The following KCTD9 variants were observed in gnomAD, a reference collection of about 807,000 sequenced individuals.
The protein encoded by KCTD9 is BTB/POZ domain-containing protein KCTD9.
A neutral mutation model predicts 53.3 loss-of-function variants in KCTD9; 17 were observed. The ratio of observed to expected loss-of-function variants is 0.32; its 90% confidence interval spans 0.22 to 0.48. The LOEUF is 0.48. KCTD9 is among the 20% of genes least tolerant of loss of function. KCTD9 has a pLI of 0.99. For synonymous variants in KCTD9, 128 were observed against 162.7 expected (o/e 0.79, Z 1.62); for missense variants, 179 against 465.5 (o/e 0.38, Z 5.66).
At chr8:25,435,145 T>C (rs916852714) in intron 9 of KCTD9, among the ~76,000 whole-genome samples, 13 of 152,214 alleles carry the variant, frequency 8.5e-5, no homozygotes, top group African/African-American at 3.1e-4. Flanking sequence ...TATTAGTTAC[T>C]AAACCTTTCA....
intron 11 of KCTD9, among the ~76,000 whole-genome samples, chr8:25,430,811 AC>A (rs1395175040): frequency 2.1e-4 from 1 of 4,848 alleles, no homozygotes; most frequent in Non-Finnish European, 0.013. Context: ...TAATAAATAC[AC>A]ACACACACAC....
intron 1 of KCTD9, among the ~76,000 whole-genome samples, chr8:25,453,152 GCC>G (rs1802361837): frequency 6.6e-6 from 1 of 152,000 alleles, no homozygotes; most frequent in East Asian, 1.9e-4. Context: ...CAGGAGGTCA[GCC>G]GAGACCAGCC....
intron 9 of KCTD9, among the ~76,000 whole-genome samples, chr8:25,433,882 A>T (rs144577310): frequency 1.0e-3 from 153 of 152,230 alleles, no homozygotes; most frequent in Non-Finnish European, 1.7e-3. Context: ...GAAATTCTTG[A>T]TATTCTAAGA....
intron 3 of KCTD9, 51 bp downstream of exon 3, chr8:25,444,241 A>ATTTT (rs1171918272): frequency 1.1e-5 from 9 of 785,410 alleles, no homozygotes; most frequent in African/African-American, 3.1e-5. Flanking sequence ...TTGTCATTCC[A>ATTTT]TCTTTTTTTT....
intron 1 of KCTD9, among the ~76,000 whole-genome samples, chr8:25,451,131 T>C (rs1802312036): frequency 6.6e-6 from 1 of 152,206 alleles, no homozygotes. Context: ...CATTCGCACA[T>C]ACTAACAATA....
intron 1 of KCTD9, among the ~76,000 whole-genome samples, chr8:25,446,923 G>A (rs1234493855): frequency 2.0e-5 from 3 of 152,174 alleles, no homozygotes; most frequent in Admixed American, 2.0e-4. Context: ...GTGTCCTGCT[G>A]TGAATCAAGC....
chr8:25,437,274 G>A (rs1455183670), intron 6 of KCTD9, among the ~76,000 whole-genome samples: 12 of 152,146 alleles, frequency 7.9e-5, no homozygotes, highest in Admixed American at 7.2e-4. Flanking sequence ...TGTGGGCCAC[G>A]CTCTCAATTT....
chr8:25,429,404 A>G lies in KCTD9; in HGVS notation c.*453T>C, dbSNP rs1422132836. The G allele has an allele frequency of 6.5e-6, 1 of 154,490 alleles. No individual in the cohort carries two copies. The highest frequency in any genetic ancestry group is 1.4e-5 in the Non-Finnish European group (1 of 69,360). 9.6% of individuals were successfully genotyped at this position (154,490 alleles called of 1,614,324 possible). ...TTATAAACCTGAACAACCTTTTCCA[A>G]GTTTTCATAAAGTTTTAACAATTTA... On this transcript the variant is annotated 3_prime_UTR_variant, in exon 12 of 12. Transcript: ENST00000221200.
In KCTD9 at chr8:25,432,576, C is replaced by T. The variant is rs28411311; in HGVS notation, c.981G>A (p.Val327=). ...GSQMTGINLR[V]ATLKNAKLKN... ...TCAACTTTGCATTTTTTAAGGTAGCCACTCTCAGGTTAATTCCTGTCATCT... is the reference window on the plus strand; with the variant it reads ...TCAACTTTGCATTTTTTAAGGTAGCTACTCTCAGGTTAATTCCTGTCATCT... Residue 327 remains valine (V), a synonymous_variant, in exon 11 of 12, where the codon GTG becomes GTA. Transcript: ENST00000221200. The T allele has an allele frequency of 1.0e-3, 1,630 of 1,613,528 alleles. 14 individuals carry two copies. The African/African-American group carries it at 0.02, about 19-fold the overall frequency.
rs371172647 is a variant in KCTD9 at position 25,439,613 on chromosome 8, C to T, written c.363G>A (p.Lys121=). The T allele has an allele frequency of 9.9e-6, 16 of 1,613,962 alleles. No homozygotes were observed. The highest frequency in any genetic ancestry group is 1.3e-5 in the African/African-American group (1 of 74,926). Residue 121 remains lysine, a synonymous_variant, in exon 5 of 12, where the codon AAG becomes AAA. Coordinates refer to ENST00000221200, the MANE Select transcript of KCTD9 (RefSeq NM_017634.4). ...ACAACGTGTTACACTCACCTTTGTC[C>T]TTAAACATGTGGGCCAGCATACTGT... ...EPDSMLAHMF[K]DKGVWGNKQD... is the part of the protein sequence containing the mutation.
At position 25,428,259 on chromosome 8, in the gene KCTD9, TCAATA is replaced by T. The variant is rs1007392593; in HGVS notation, c.*1593_*1597del. 5.2e-5 allele frequency: 8 copies of T among 152,646 alleles called. No homozygotes were observed. Among genetic ancestry groups the T allele is most frequent in the African/African-American group, 1.9e-4 (8 of 41,462 alleles). 9.5% of individuals were successfully genotyped at this position (152,646 alleles called of 1,614,324 possible). A position where few individuals can be genotyped will look rare whatever the true frequency, so the allele number is the denominator to read the frequency against. On this transcript the variant is annotated 3_prime_UTR_variant, in exon 12 of 12. Coordinates refer to ENST00000221200, the MANE Select transcript of KCTD9 (RefSeq NM_017634.4). ...ATTGATTATGAAAATAGATTATCTC[TCAATA>T]CAATACTTCTCTGTCTTGGTAAAAA...
intron 6 of KCTD9, 149 bp downstream of exon 6, chr8:25,439,130 A>C (rs1357167393): frequency 1.7e-6 from 1 of 606,056 alleles, no homozygotes; most frequent in African/African-American, 1.9e-5. Flanking sequence ...ACTCATATAC[A>C]TGTGAAAACA....
intron 1 of KCTD9, among the ~76,000 whole-genome samples, chr8:25,452,832 T>C (rs1802353236): frequency 6.6e-6 from 1 of 152,208 alleles, no homozygotes; most frequent in Non-Finnish European, 1.5e-5. Flanking sequence ...ATTATCACTA[T>C]GTCAGATATT....
chr8:25,445,421 T>G (rs886092930), intron 2 of KCTD9, among the ~76,000 whole-genome samples: 1 of 152,168 alleles, frequency 6.6e-6, no homozygotes, highest in Non-Finnish European at 1.5e-5. Flanking sequence ...GGTTAAAGCA[T>G]CATTATCTTC....
intron 1 of KCTD9, chr8:25,450,491 G>A: frequency 1.0e-6 from 1 of 974,876 alleles, no homozygotes; most frequent in African/African-American, 1.8e-5. Flanking sequence ...ACTGTCATTA[G>A]GGTAAAAAAA....
chr8:25,439,183 G>A (rs988897606), intron 6 of KCTD9, 96 bp downstream of exon 6: 15 of 934,056 alleles, frequency 1.6e-5, no homozygotes, highest in Non-Finnish European at 1.9e-5. Flanking sequence ...TTACTTTATG[G>A]AAATATACTG....
chr8:25,446,520 T>C (rs1802217115), intron 1 of KCTD9, among the ~76,000 whole-genome samples: 1 of 152,044 alleles, frequency 6.6e-6, no homozygotes, highest in Non-Finnish European at 1.5e-5. Flanking sequence ...AGTTGTGAAG[T>C]AAGATAGACC....
intron 3 of KCTD9, among the ~76,000 whole-genome samples, chr8:25,442,084 AAT>A (rs2117412763): frequency 6.6e-6 from 1 of 152,276 alleles, no homozygotes; most frequent in East Asian, 1.9e-4. Flanking sequence ...CCCTACATAC[AAT>A]AGAGTCCTGA....
intron 2 of KCTD9, 79 bp from the exon 3 acceptor site, chr8:25,444,414 C>A: frequency 1.5e-6 from 2 of 1,320,568 alleles, no homozygotes; most frequent in South Asian, 2.6e-5. Flanking sequence ...AGGAACTATT[C>A]CTTACAATTA....
Sources: gnomAD v4.1 joint callset for allele counts (sites outside exome capture counted in the v4.1 genomes callset) on GRCh38, gnomAD v4.1.1 for gene constraint, MANE v1.5 for transcripts, NCBI Gene and HGNC (gene_info 2026-07-23, HGNC 2026-07-21) for gene names.